Variants in CSMD1 observed in about 807,000 individuals in gnomAD.
CSMD1 encodes CUB and sushi domain-containing protein 1.
A neutral mutation model predicts 417.5 loss-of-function variants in CSMD1; 213 were observed. The observed-to-expected ratio is 0.51, with a 90% confidence interval of 0.46 to 0.57. CSMD1 has a LOEUF of 0.57. CSMD1 is among the 20% of genes least tolerant of loss of function. CSMD1 has a pLI of 0.00. For synonymous variants in CSMD1, 2,862 were observed against 1,736.8 expected (o/e 1.65, Z -16.11); for missense variants, 6,923 against 4,529.7 (o/e 1.53, Z -15.17).
chr8:4,863,439 T>C (rs1265984033), intron 1 of CSMD1, among the ~76,000 whole-genome samples: 1 of 152,068 alleles, frequency 6.6e-6, no homozygotes, highest in Non-Finnish European at 1.5e-5. Context: ...AGAGCATGAA[T>C]CCAGATTCTA....
intron 1 of CSMD1, among the ~76,000 whole-genome samples, chr8:4,748,249 C>G (rs1016810434): frequency 5.9e-5 from 9 of 152,144 alleles, no homozygotes; most frequent in Non-Finnish European, 1.3e-4. Context: ...TTCAAGCAAC[C>G]GATTACAATC....
chr8:3,214,543 C>T lies in CSMD1; in HGVS notation c.4821G>A (p.Gly1607=). The change falls in exon 30 of 70, where the codon GGG becomes GGA. Residue 1607 remains glycine, a synonymous_variant. Coordinates refer to ENST00000635120, the MANE Select transcript of CSMD1 (RefSeq NM_033225.6). The part of the protein sequence containing the change: ...LDPSSITCVI[G]ADGKPSWDQV... ...GGTCCCAGGAGGGTTTCCCATCAGC[C>T]CCAATCACACAGGTGATGGATGAGG... 2 of 1,599,972 alleles carry T rather than the reference C, an allele frequency of 1.3e-6. No homozygotes were observed. The highest frequency in any genetic ancestry group is 1.7e-6 in the Non-Finnish European group (2 of 1,173,176).
rs1275130878 is a variant in CSMD1, at chr8:4,316,838, T to C, written c.415+103115A>G. ...CAGCACTCGGTAAACGCAAAATAATTGGTAGCTGCTTCTATTAGTGATGTT... is the reference window on the plus strand; with the variant it reads ...CAGCACTCGGTAAACGCAAAATAATCGGTAGCTGCTTCTATTAGTGATGTT... On this transcript the variant is annotated intron_variant, in intron 3 of 69. Transcript: ENST00000635120. Among the ~76,000 whole-genome samples, 34 of 152,152 alleles carry C rather than the reference T, an allele frequency of 2.2e-4. 1 individual carries two copies. Among genetic ancestry groups the C allele is most frequent in the Admixed American group, 2.2e-3 (34 of 15,274 alleles).
chr8:4,581,624 C>A (rs1045069253), intron 2 of CSMD1, among the ~76,000 whole-genome samples: 9 of 152,140 alleles, frequency 5.9e-5, no homozygotes, highest in African/African-American at 2.2e-4. Flanking sequence ...ATTGATTCCT[C>A]AGTGTTAAAA....
At chr8:4,272,674 T>C (rs562852682) in intron 3 of CSMD1, among the ~76,000 whole-genome samples, 2 of 152,320 alleles carry the variant, frequency 1.3e-5, no homozygotes, top group South Asian at 2.1e-4. Context: ...CGACTGTAGA[T>C]GAACATAAAA....
chr8:3,900,770 G>T (rs535115451), intron 5 of CSMD1, among the ~76,000 whole-genome samples: 1 of 151,394 alleles, frequency 6.6e-6, no homozygotes, highest in African/African-American at 2.4e-5. Flanking sequence ...GTACAGCTGG[G>T]TGACACTGTA....
chr8:4,247,247 A>G (rs534565502), intron 3 of CSMD1, among the ~76,000 whole-genome samples: 28 of 152,312 alleles, frequency 1.8e-4, no homozygotes, highest in African/African-American at 6.5e-4. Flanking sequence ...TCAAGTAACT[A>G]TTGAGTACAA....
intron 1 of CSMD1, among the ~76,000 whole-genome samples, chr8:4,848,699 C>A (rs1801290990): frequency 6.6e-6 from 1 of 152,048 alleles, no homozygotes; most frequent in Admixed American, 6.6e-5. Flanking sequence ...ACCACCACAC[C>A]CAGCTAATTT....
intron 17 of CSMD1, among the ~76,000 whole-genome samples, chr8:3,388,588 T>A (rs1025223089): frequency 1.3e-5 from 2 of 152,250 alleles, no homozygotes; most frequent in Admixed American, 1.3e-4. Flanking sequence ...ATCTTCGGGA[T>A]ATTGTTTCTG....
intron 12 of CSMD1, among the ~76,000 whole-genome samples, chr8:3,441,000 A>T (rs529963538): frequency 6.6e-6 from 1 of 152,274 alleles, no homozygotes; most frequent in East Asian, 1.9e-4. Flanking sequence ...CTGAGATTAG[A>T]TCATCCTGGA....
chr8:4,436,425 T>C (rs1280647524), intron 2 of CSMD1, among the ~76,000 whole-genome samples: 3 of 152,144 alleles, frequency 2.0e-5, no homozygotes, highest in African/African-American at 7.2e-5. Context: ...AGTAGATGTG[T>C]GTATTTGTGG....
chr8:3,419,136 C>T (rs906615225), intron 12 of CSMD1, among the ~76,000 whole-genome samples: 4 of 152,184 alleles, frequency 2.6e-5, no homozygotes, highest in African/African-American at 4.8e-5. Context: ...ACGCAAGCTG[C>T]GCTGTTCTCT....
chr8:3,562,349 T>C (rs1585372279), intron 10 of CSMD1, among the ~76,000 whole-genome samples: 1 of 83,208 alleles, frequency 1.2e-5, no homozygotes, highest in African/African-American at 5.4e-5. Flanking sequence ...TTGGTCAGTA[T>C]TGCTAATGGG....
intron 12 of CSMD1, among the ~76,000 whole-genome samples, chr8:3,410,655 A>G (rs112254156): frequency 0.018 from 2,784 of 152,290 alleles, 85 homozygotes; most frequent in African/African-American, 0.064. Context: ...TTTCTTTTAT[A>G]AATTGCCCAG....
intron 8 of CSMD1, among the ~76,000 whole-genome samples, chr8:3,609,855 G>C (rs1424539569): frequency 1.0e-5 from 1 of 99,296 alleles, no homozygotes; most frequent in Non-Finnish European, 1.8e-5. Flanking sequence ...GTCTTGCTCT[G>C]TCCCCCAGGC....
intron 4 of CSMD1, among the ~76,000 whole-genome samples, chr8:4,022,112 G>A (rs975317474): frequency 4.4e-5 from 5 of 112,640 alleles, no homozygotes; most frequent in African/African-American, 7.3e-5. Flanking sequence ...TATATGAATG[G>A]ATATAGAATA....
chr8:4,072,728 T>C (rs753374701), intron 3 of CSMD1, among the ~76,000 whole-genome samples: 17 of 152,212 alleles, frequency 1.1e-4, no homozygotes, highest in East Asian at 1.9e-4. Flanking sequence ...ATGAACAAAG[T>C]GTTTACAACT....
At chr8:4,341,076 A>G (rs1800450565) in intron 3 of CSMD1, among the ~76,000 whole-genome samples, 1 of 152,056 alleles carries the variant, frequency 6.6e-6, no homozygotes, top group African/African-American at 2.4e-5. Context: ...AAAACTTGGG[A>G]AAGAATAGTG....
At chr8:3,435,830 T>G (rs1465799043) in intron 12 of CSMD1, among the ~76,000 whole-genome samples, 1 of 152,182 alleles carries the variant, frequency 6.6e-6, no homozygotes, top group Non-Finnish European at 1.5e-5. Context: ...AAGAGAAACA[T>G]GGCAGGGGGC....
Sources: allele counts gnomAD v4.1 joint callset (sites outside exome capture counted in the v4.1 genomes callset), GRCh38; gene constraint gnomAD v4.1.1; transcripts MANE v1.5; gene names NCBI Gene and HGNC (gene_info 2026-07-23, HGNC 2026-07-21).